Variants in MAF observed in about 807,000 individuals in gnomAD.
MAF encodes the protein transcription factor Maf.
Under a neutral mutation model 22.0 loss-of-function variants are expected in MAF, and 10 were observed. That is an observed-to-expected ratio of 0.45 (90% CI 0.28 to 0.77). The LOEUF is 0.77. MAF is among the 30% of genes least tolerant of loss of function. MAF has a pLI of 0.12. For missense variants in MAF, 544 were observed against 548.4 expected (o/e 0.99, Z 0.08); for synonymous variants, 337 against 255.8 (o/e 1.32, Z -3.03).
rs1050403429 is a variant in MAF, at chr16:79,600,419, C to A, written c.-517G>T. The A allele has an allele frequency of 3.6e-5, 7 of 196,900 alleles. No individual in the cohort carries two copies. The highest frequency in any genetic ancestry group is 5.8e-5 in the Non-Finnish European group (5 of 85,986). 12.2% of individuals were successfully genotyped at this position (196,900 alleles called of 1,614,324 possible). A position where few individuals can be genotyped will look rare whatever the true frequency, so the allele number is the denominator to read the frequency against. The stretch of plus-strand genomic sequence containing the variant: ...CGGGCGTCTGTCCGGGCGGCGCGGG[C>A]CTTGGCACGGGGGAGTTAACACTTC... On this transcript the variant is annotated 5_prime_UTR_variant, in exon 1 of 2. Transcript: ENST00000326043.
At chr16:79,398,868 A>T in the MAF span, among the ~76,000 whole-genome samples, 5 of 152,220 alleles carry the variant, frequency 3.3e-5, no homozygotes, top group East Asian at 7.7e-4. Flanking sequence ...TCTCTGCCCC[A>T]TTGCAGGCTT....
At chr16:79,448,132 T>G in the MAF span, among the ~76,000 whole-genome samples, 6 of 152,302 alleles carry the variant, frequency 3.9e-5, no homozygotes, top group South Asian at 8.3e-4. Flanking sequence ...ATTCCAGTTT[T>G]GAAAGGAATT....
At chr16:79,238,700 T>G in the MAF span, among the ~76,000 whole-genome samples, 1 of 152,040 alleles carries the variant, frequency 6.6e-6, no homozygotes, top group South Asian at 2.1e-4. Context: ...ATATATCCCA[T>G]GCATACAGTA....
At chr16:79,504,794 T>A in the MAF span, among the ~76,000 whole-genome samples, 1 of 152,224 alleles carries the variant, frequency 6.6e-6, no homozygotes, top group Admixed American at 6.5e-5. Context: ...CTCTGTATTT[T>A]CTTGCCAGAG....
At chr16:79,316,831 T>G in the MAF span, among the ~76,000 whole-genome samples, 1 of 152,140 alleles carries the variant, frequency 6.6e-6, no homozygotes, top group African/African-American at 2.4e-5. Flanking sequence ...TCTGGGCTGG[T>G]TGCCAACACT....
At chr16:79,290,299 T>C in the MAF span, among the ~76,000 whole-genome samples, 1 of 152,194 alleles carries the variant, frequency 6.6e-6, no homozygotes, top group Admixed American at 6.5e-5. Context: ...ATGAGAGATA[T>C]AGCCAGGCTT....
the MAF span, among the ~76,000 whole-genome samples, chr16:79,499,873 G>C: frequency 2.0e-5 from 3 of 152,176 alleles, no homozygotes; most frequent in African/African-American, 7.2e-5. Flanking sequence ...TACCTTATAG[G>C]TCAACATTTG....
At chr16:79,592,546 T>C (rs1225676253), downstream of MAF, among the ~76,000 whole-genome samples, 1 of 152,234 alleles carries the variant, frequency 6.6e-6, no homozygotes, top group African/African-American at 2.4e-5. Flanking sequence ...CAAATCCTGA[T>C]TGAGGTGGCT....
the MAF span, among the ~76,000 whole-genome samples, chr16:79,299,966 C>A: frequency 6.6e-6 from 1 of 152,204 alleles, no homozygotes; most frequent in Non-Finnish European, 1.5e-5. Context: ...AGCTTGTCCA[C>A]CTCTTGTGAC....
At chr16:79,470,217 G>A in the MAF span, among the ~76,000 whole-genome samples, 1 of 152,218 alleles carries the variant, frequency 6.6e-6, no homozygotes, top group African/African-American at 2.4e-5. Flanking sequence ...CTGAGGAAGT[G>A]GGAACTTCCT....
the MAF span, among the ~76,000 whole-genome samples, chr16:79,283,569 C>A: frequency 1.3e-5 from 2 of 152,090 alleles, no homozygotes; most frequent in Non-Finnish European, 2.9e-5. Flanking sequence ...TTTTAAAAAA[C>A]GATTAAAAAG....
the MAF span, among the ~76,000 whole-genome samples, chr16:79,262,198 A>T: frequency 2.3e-3 from 347 of 152,260 alleles, 6 homozygotes; most frequent in Admixed American, 0.01. Context: ...GTTTTTGCAG[A>T]TGAGGCCTCA....
At chr16:79,553,273 C>T in the MAF span, among the ~76,000 whole-genome samples, 2 of 152,230 alleles carry the variant, frequency 1.3e-5, no homozygotes, top group Admixed American at 6.5e-5. Context: ...GCCATTGCCA[C>T]CTCTCCATCA....
chr16:79,205,103 C>T, the MAF span: 1 of 152,224 alleles, frequency 6.6e-6, no homozygotes, highest in Non-Finnish European at 1.5e-5. Context: ...CTCACAGGTT[C>T]TCTCTGAACA....
the MAF span, among the ~76,000 whole-genome samples, chr16:79,440,341 T>G: frequency 6.6e-6 from 1 of 152,244 alleles, no homozygotes; most frequent in Non-Finnish European, 1.5e-5. Context: ...TGTACCAGTG[T>G]GGTGCCTAGC....
At chr16:79,350,908 T>C in the MAF span, among the ~76,000 whole-genome samples, 1 of 150,476 alleles carries the variant, frequency 6.6e-6, no homozygotes, top group Non-Finnish European at 1.5e-5. Context: ...TGTGTGCGTG[T>C]GAATACAAGG....
chr16:79,211,976 G>A, the MAF span: 4 of 1,536,084 alleles, frequency 2.6e-6, no homozygotes, highest in Non-Finnish European at 3.5e-6. Context: ...GAATTCCTGG[G>A]GTAAAGTATC....
At chr16:79,588,292 T>G (rs550897371) in intron 1 of MAF, among the ~76,000 whole-genome samples, 7 of 152,300 alleles carry the variant, frequency 4.6e-5, no homozygotes, top group Non-Finnish European at 1.0e-4. Context: ...ACCTGCCTTT[T>G]ACGTGGGAAG....
chr16:79,306,161 T>G, the MAF span, among the ~76,000 whole-genome samples: 2 of 152,236 alleles, frequency 1.3e-5, no homozygotes, highest in African/African-American at 2.4e-5. Context: ...TTTCTTAAGA[T>G]GATAAATTCC....
Sources: allele counts gnomAD v4.1 joint callset (sites outside exome capture counted in the v4.1 genomes callset), GRCh38; gene constraint gnomAD v4.1.1; transcripts MANE v1.5; gene names NCBI Gene and HGNC (gene_info 2026-07-23, HGNC 2026-07-21).